SLC45A3: variants seen among roughly 807,000 people sequenced by gnomAD.
SLC45A3 encodes the protein prostate cancer associated protein 2.
In SLC45A3, 17 loss-of-function variants were observed where a neutral mutation model predicts 35.3. The observed-to-expected ratio is 0.48, with a 90% CI of 0.33 to 0.72. SLC45A3 has a LOEUF of 0.72. Ranked by LOEUF, SLC45A3 falls within the 30% of genes least tolerant of loss-of-function variation. The probability of loss-of-function intolerance (pLI) is 0.02; values close to 1 mark genes in which losing one functional copy is unlikely to be tolerated. For synonymous variants in SLC45A3, 288 were observed against 334.3 expected, an observed-to-expected ratio of 0.86 and a Z score of 1.51; for missense variants, 597 against 731.7, an observed-to-expected ratio of 0.82 and a Z score of 2.12.
intron 2 of SLC45A3, 55 bp from the exon 3 acceptor site, chr1:205,663,673 G>C: frequency 6.7e-7 from 1 of 1,491,622 alleles, no homozygotes; most frequent in African/African-American, 1.4e-5. Flanking sequence ...AGGGCAAGGG[G>C]AAGGGGAACC....
At position 205,662,416 on chromosome 1, in the gene SLC45A3, C is replaced by G; in HGVS notation, c.959-290G>C. ...AGGCGGGTGAGAGGGAACACAAAGA[C>G]AGCTGGCCATAGGCTTCAAGACGCT... On this transcript the variant is annotated intron_variant, in intron 3 of 4. Transcript: ENST00000367145. The surrounding 1 kb of genome is among the most constrained non-coding windows in gnomAD (Gnocchi z 6.2). 7.4e-7 allele frequency: 1 copy of G among 1,352,070 alleles called. No homozygotes were observed. The highest frequency in any genetic ancestry group is 9.5e-7 in the Non-Finnish European group (1 of 1,054,776). 83.8% of individuals were successfully genotyped at this position (1,352,070 alleles called of 1,614,324 possible). A position where few individuals can be genotyped will look rare whatever the true frequency, so the allele number is the denominator to read the frequency against.
At chr1:205,677,845 T>A (rs1671336128) in intron 1 of SLC45A3, among the ~76,000 whole-genome samples, 1 of 152,256 alleles carries the variant, frequency 6.6e-6, no homozygotes, top group African/African-American at 2.4e-5. Context: ...CTATAATTTT[T>A]AGACTATATA....
intron 1 of SLC45A3, among the ~76,000 whole-genome samples, chr1:205,674,007 G>A (rs372707088): frequency 1.1e-4 from 17 of 152,120 alleles, no homozygotes; most frequent in Non-Finnish European, 2.4e-4. Context: ...ACAACTGATC[G>A]CAGCTCCCTT....
chr1:205,667,077 A>G (rs1343900771), intron 1 of SLC45A3, among the ~76,000 whole-genome samples: 2 of 152,222 alleles, frequency 1.3e-5, no homozygotes, highest in Non-Finnish European at 2.9e-5. Flanking sequence ...ATTGTTTAAA[A>G]TAAATTGCAG....
At position 205,658,202 on chromosome 1, in the gene SLC45A3, T is replaced by A. The variant is rs1571527898; in HGVS notation, c.*1032A>T. On this transcript the variant is annotated 3_prime_UTR_variant, in exon 5 of 5. Transcript: ENST00000367145. ...GGTAGGGGAAATTTTGGGCAGTGCC[T>A]TCATCAGCCCAGTCCTAGAGAGAGT... 1.7e-5 allele frequency: 4 copies of A among 231,694 alleles called. No individual in the cohort carries two copies. The East Asian group carries it at 2.4e-4, about 14-fold the overall frequency. 14.4% of individuals were successfully genotyped at this position (231,694 alleles called of 1,614,324 possible).
rs1250643692 is a variant in SLC45A3 at position 205,664,967 on chromosome 1, G to A, written c.-230-81C>T. 2 of 1,202,418 alleles carry A rather than the reference G, an allele frequency of 1.7e-6. No individual in the cohort carries two copies. Among genetic ancestry groups the A allele is most frequent in the Non-Finnish European group, 2.1e-6 (2 of 963,620 alleles). 74.5% of individuals were successfully genotyped at this position (1,202,418 alleles called of 1,614,324 possible). A position where few individuals can be genotyped will look rare whatever the true frequency, so the allele number is the denominator to read the frequency against. ...CTCCACGATTTGCTCTAAATTGTCT[G>A]GATCCTGATCATTCACAGGCTGGCG... On this transcript the variant is annotated intron_variant, in intron 1 of 4. Transcript: ENST00000367145. The surrounding 1 kb of genome is among the most constrained non-coding windows in gnomAD (Gnocchi z 5.3).
rs982056572 is a variant in SLC45A3, at chr1:205,669,656, C to A, written c.-230-4770G>T. 1.3e-5 allele frequency among the ~76,000 whole-genome samples: 2 copies of A among 152,212 alleles called. No homozygotes were observed. Among genetic ancestry groups the A allele is most frequent in the African/African-American group, 4.8e-5 (2 of 41,456 alleles). ...ACGGCTGTAGCCCCCACCCTGACCCCGCAGGCTCAGCGACCCTGCGTGTTC... is the reference window on the plus strand; with the variant it reads ...ACGGCTGTAGCCCCCACCCTGACCCAGCAGGCTCAGCGACCCTGCGTGTTC... On this transcript the variant is annotated intron_variant, in intron 1 of 4. Coordinates refer to ENST00000367145, the MANE Select transcript of SLC45A3 (RefSeq NM_033102.3). This position sits in a 1 kb window ranked among gnomAD's most constrained non-coding sequence, Gnocchi z 4.1.
At position 205,661,857 on chromosome 1, in the gene SLC45A3, G is replaced by A. The variant is rs769955580; in HGVS notation, c.1224+4C>T. ...CCTGACTCCACCCACTGGCCAATGA[G>A]TACCTGCTTCTCCCGGTGGTAGAGG... On this transcript the variant is annotated splice_donor_region_variant and intron_variant, in intron 4 of 4. Coordinates refer to ENST00000367145, the MANE Select transcript of SLC45A3 (RefSeq NM_033102.3). 6.8e-6 allele frequency: 11 copies of A among 1,610,374 alleles called. No individual in the cohort carries two copies. Among genetic ancestry groups the A allele is most frequent in the African/African-American group, 1.3e-5 (1 of 74,848 alleles).
intron 1 of SLC45A3, among the ~76,000 whole-genome samples, chr1:205,668,388 G>A (rs926548747): frequency 6.6e-6 from 1 of 152,048 alleles, no homozygotes; most frequent in Non-Finnish European, 1.5e-5. Context: ...GCTCAGGGAG[G>A]TCAGAGAACA....
rs1670961052 is a variant in SLC45A3 at position 205,658,470 on chromosome 1, G to A, written c.*764C>T. ...ATCAGCCCAATGACCAGCTATCTCA[G>A]GGGACCTGATTGTTGGGGATCCCCC... On this transcript the variant is annotated 3_prime_UTR_variant, in exon 5 of 5. Coordinates refer to ENST00000367145, the MANE Select transcript of SLC45A3 (RefSeq NM_033102.3). 1 of 233,112 alleles carries A rather than the reference G, an allele frequency of 4.3e-6. No homozygotes were observed. The highest frequency in any genetic ancestry group is 8.5e-6 in the Non-Finnish European group (1 of 118,024). 14.4% of individuals were successfully genotyped at this position (233,112 alleles called of 1,614,324 possible). A position where few individuals can be genotyped will look rare whatever the true frequency, so the allele number is the denominator to read the frequency against.
At chr1:205,676,804 C>T (rs766860297) in intron 1 of SLC45A3, among the ~76,000 whole-genome samples, 5 of 152,174 alleles carry the variant, frequency 3.3e-5, no homozygotes, top group Non-Finnish European at 5.9e-5. Context: ...CAAGCAGGGA[C>T]ACTTAATACA....
rs16856110 is a variant in SLC45A3 at position 205,662,639 on chromosome 1, A to G, written c.958+194T>C. 0.23 allele frequency: 312,340 copies of G among 1,381,464 alleles called. 37,870 individuals carry two copies. The highest frequency in any genetic ancestry group is 0.38 in the East Asian group (14,406 of 37,900). The allele number at this position is 1,381,464 out of a possible 1,614,324, so 85.6% of individuals were successfully genotyped here. On this transcript the variant is annotated intron_variant, in intron 3 of 4. Coordinates refer to ENST00000367145, the MANE Select transcript of SLC45A3 (RefSeq NM_033102.3). This position sits in a 1 kb window ranked among gnomAD's most constrained non-coding sequence, Gnocchi z 6.2. ...CTCTGATCAGACTCCTAGAGCAGCC[A>G]GAGGCCTTCCTGAAACCGCAAGCAG...
intron 1 of SLC45A3, among the ~76,000 whole-genome samples, chr1:205,671,104 C>T (rs896899944): frequency 2.6e-5 from 4 of 152,212 alleles, no homozygotes; most frequent in Non-Finnish European, 5.9e-5. Flanking sequence ...CAGCACTGCC[C>T]TCCCCTCCCC....
At position 205,662,780 on chromosome 1, in the gene SLC45A3, C is replaced by G; in HGVS notation, c.958+53G>C. The G allele has an allele frequency of 6.6e-7, 1 of 1,512,964 alleles. No homozygotes were observed. The highest frequency in any genetic ancestry group is 1.3e-5 in the South Asian group (1 of 74,234). 93.7% of individuals were successfully genotyped at this position (1,512,964 alleles called of 1,614,324 possible). A position where few individuals can be genotyped will look rare whatever the true frequency, so the allele number is the denominator to read the frequency against. On this transcript the variant is annotated intron_variant, in intron 3 of 4. Coordinates refer to ENST00000367145, the MANE Select transcript of SLC45A3 (RefSeq NM_033102.3). This position sits in a 1 kb window ranked among gnomAD's most constrained non-coding sequence, Gnocchi z 6.2. ...CCAGCCCAGACACAGCCCCGAGTGT[C>G]GTCTCTGGTGGGCGGCTCCCACACC...
At chr1:205,677,169 G>A (rs1222470787) in intron 1 of SLC45A3, among the ~76,000 whole-genome samples, 1 of 152,198 alleles carries the variant, frequency 6.6e-6, no homozygotes, top group African/African-American at 2.4e-5. Context: ...TACACTCTGG[G>A]AAGGTAGGCT....
rs1571533511 is a variant in SLC45A3 at position 205,663,428 on chromosome 1, C to G, written c.363G>C (p.Glu121Asp). The change falls in exon 3 of 5, where the codon GAG becomes GAC. Residue 121 changes from glutamate to aspartate, a missense_variant. By Grantham distance (45) the Glu-to-Asp change is conservative. This residue lies in a region of SLC45A3 where 555 missense variants were observed against 664.9 expected (regional missense o/e 0.83). Transcript: ENST00000367145. Reference protein sequence around the residue: ...GLLCPDPRPLELALLILGVGL... With the variant: ...GLLCPDPRPLDLALLILGVGL... ...CCACGCCCAGGATGAGCAGTGCCAG[C>G]TCCAGGGGCCTGGGATCCGGGCACA... 12 of 1,612,846 alleles carry G rather than the reference C, an allele frequency of 7.4e-6. No homozygotes were observed. In the East Asian group the frequency reaches 1.1e-4, roughly 15 times the overall value.
chr1:205,660,735 G>A (rs1306935019), intron 4 of SLC45A3, among the ~76,000 whole-genome samples: 1 of 152,094 alleles, frequency 6.6e-6, no homozygotes, highest in Non-Finnish European at 1.5e-5. Flanking sequence ...GCCCCAGAAC[G>A]TTCCCTGGCA....
In SLC45A3 at chr1:205,663,191, A is replaced by G; in HGVS notation, c.600T>C (p.Phe200=). 2 of 1,613,232 alleles carry G rather than the reference A, an allele frequency of 1.2e-6. No individual in the cohort carries two copies. The highest frequency in any genetic ancestry group is 8.5e-7 in the Non-Finnish European group (1 of 1,179,926). Residue 200 remains phenylalanine, a synonymous_variant, in exon 3 of 5, where the codon TTT becomes TTC. Transcript: ENST00000367145. ...PYLGTQEECL[F]GLLTLIFLTC... is the part of the protein sequence containing the mutation. ...TGAGGAAGATGAGGGTGAGCAGGCC[A>G]AAGAGGCACTCCTCCTGGGTGCCCA... is the stretch of plus-strand genomic sequence containing the variant.
chr1:205,673,240 C>T (rs141740125), intron 1 of SLC45A3, among the ~76,000 whole-genome samples: 1 of 152,114 alleles, frequency 6.6e-6, no homozygotes, highest in Non-Finnish European at 1.5e-5. Context: ...TCTTGGGCCA[C>T]AATAAATGCT....
Sources: allele counts gnomAD v4.1 joint callset (sites outside exome capture counted in the v4.1 genomes callset), GRCh38; gene constraint gnomAD v4.1.1; regional missense constraint gnomAD v4.1.1; non-coding constraint Gnocchi (gnomAD v3.1); transcripts MANE v1.5; gene names NCBI Gene and HGNC (gene_info 2026-07-23, HGNC 2026-07-21).